Variants in SP100 observed in about 807,000 individuals in gnomAD.
The protein encoded by SP100 is nuclear autoantigen Sp-100.
Under a neutral mutation model 130.0 loss-of-function variants are expected in SP100, and 84 were observed. That is an observed-to-expected ratio of 0.65 (90% CI 0.54 to 0.77). SP100 has a LOEUF of 0.77. Among genes scored for constraint, SP100 ranks in the 30% least tolerant of loss-of-function variants. The pLI is 0.00. For synonymous variants in SP100, 331 were observed against 351.7 expected (o/e 0.94, Z 0.66); for missense variants, 978 against 1,052.2 (o/e 0.93, Z 0.97).
intron 9 of SP100, among the ~76,000 whole-genome samples, chr2:230,461,620 A>T (rs1460354996): frequency 6.6e-6 from 1 of 152,036 alleles, no homozygotes; most frequent in Non-Finnish European, 1.5e-5. Flanking sequence ...ACAGAAATGG[A>T]GGTAATCAGT....
chr2:230,416,248 GGGCTCAGAGGCCA>G lies in SP100; in HGVS notation c.-43_-31del, dbSNP rs760503746. The G allele has an allele frequency of 6.4e-7, 1 of 1,564,674 alleles. No homozygotes were observed. The highest frequency in any genetic ancestry group is 8.8e-7 in the Non-Finnish European group (1 of 1,139,362). ...CTGCACGCAGGCTGGGCCGACTGAG[GGGCTCAGAGGCCA>G]GGCTCTGAGGCCCACGCAGGGCCTA... On this transcript the variant is annotated 5_prime_UTR_variant, in exon 1 of 29. Coordinates refer to ENST00000340126, the MANE Select transcript of SP100 (RefSeq NM_001080391.2).
intron 24 of SP100, among the ~76,000 whole-genome samples, chr2:230,524,195 A>AG (rs201008486): frequency 0.14 from 19,486 of 143,300 alleles, 1,657 homozygotes; most frequent in Non-Finnish European, 0.2. Context: ...AAAAAAAAAA[A>AG]AAAAAAGAAA....
chr2:230,437,983 C>A (rs2063345473), intron 2 of SP100, among the ~76,000 whole-genome samples: 1 of 152,072 alleles, frequency 6.6e-6, no homozygotes. Flanking sequence ...TTTTTCAATG[C>A]CTGTAAAACA....
intron 17 of SP100, among the ~76,000 whole-genome samples, chr2:230,493,034 T>C (rs1431747298): frequency 6.6e-6 from 1 of 152,194 alleles, no homozygotes; most frequent in South Asian, 2.1e-4. Context: ...TATCTCAGTG[T>C]TGGCTGTTTT....
Position 230,462,429 on chromosome 2 carries a change from G to C in SP100, c.974-6G>C, listed in dbSNP as rs1384773532. ...GACTCTTAATGGTTTTTGCTCCTTTGTGCAGTCATCAGCAGTGAGGACTCT... is the reference window on the plus strand; with the variant it reads ...GACTCTTAATGGTTTTTGCTCCTTTCTGCAGTCATCAGCAGTGAGGACTCT... On this transcript the variant is annotated splice_region_variant and splice_polypyrimidine_tract_variant and intron_variant, in intron 9 of 28. Transcript: ENST00000340126. 1 of 1,611,480 alleles carries C rather than the reference G, an allele frequency of 6.2e-7. No individual in the cohort carries two copies. Among genetic ancestry groups the C allele is most frequent in the Non-Finnish European group, 8.5e-7 (1 of 1,178,032 alleles).
intron 17 of SP100, among the ~76,000 whole-genome samples, chr2:230,481,409 T>C (rs776773468): frequency 2.0e-5 from 3 of 152,154 alleles, no homozygotes; most frequent in Non-Finnish European, 4.4e-5. Flanking sequence ...GAGCCAAAAA[T>C]GTAGAAGGTG....
chr2:230,501,533 C>T (rs1410922504), intron 19 of SP100, among the ~76,000 whole-genome samples: 3 of 151,990 alleles, frequency 2.0e-5, no homozygotes, highest in African/African-American at 7.3e-5. Flanking sequence ...TGACAGAGGC[C>T]CAGAAAATAC....
At chr2:230,416,675 A>G (rs562380184) in intron 1 of SP100, 47 of 950,430 alleles carry the variant, frequency 4.9e-5, no homozygotes, top group Non-Finnish European at 6.0e-5. Flanking sequence ...GCCTTCCTCT[A>G]CCTTCAAATA....
At position 230,473,447 on chromosome 2, in the gene SP100, C is replaced by T. The variant is rs752839275; in HGVS notation, c.1546+7C>T. 1.9e-6 allele frequency: 3 copies of T among 1,558,184 alleles called. No homozygotes were observed. The East Asian group carries it at 6.7e-5, about 35-fold the overall frequency. On this transcript the variant is annotated splice_region_variant and intron_variant, in intron 16 of 28. Coordinates refer to ENST00000340126, the MANE Select transcript of SP100 (RefSeq NM_001080391.2). ...CAAGCATCTGACATGATGGGTAAGGCTACCCTAGGGTCTTGGGATGGAAGT... is the reference window on the plus strand; with the variant it reads ...CAAGCATCTGACATGATGGGTAAGGTTACCCTAGGGTCTTGGGATGGAAGT...
At chr2:230,481,054 G>T (rs1454240503) in intron 17 of SP100, among the ~76,000 whole-genome samples, 4 of 151,788 alleles carry the variant, frequency 2.6e-5, no homozygotes, top group Admixed American at 6.6e-5. Context: ...GGTGGTGGTG[G>T]TGGTGTTGGT....
At chr2:230,476,818 A>C (rs749476608) in intron 17 of SP100, among the ~76,000 whole-genome samples, 2 of 152,066 alleles carry the variant, frequency 1.3e-5, no homozygotes, top group Non-Finnish European at 2.9e-5. Context: ...TTTCTTCTTC[A>C]TAAAACTCTT....
intron 17 of SP100, among the ~76,000 whole-genome samples, chr2:230,487,659 G>A (rs2066176970): frequency 1.3e-5 from 2 of 152,210 alleles, no homozygotes; most frequent in South Asian, 4.1e-4. Flanking sequence ...ACTGTATGGG[G>A]TCTTCTTTGA....
At chr2:230,423,776 T>C (rs1278817800) in intron 2 of SP100, among the ~76,000 whole-genome samples, 1 of 152,224 alleles carries the variant, frequency 6.6e-6, no homozygotes, top group African/African-American at 2.4e-5. Flanking sequence ...TAAGAAGTGT[T>C]TGGGAGTAGC....
chr2:230,514,548 A>G (rs181902058), intron 24 of SP100, among the ~76,000 whole-genome samples: 2 of 152,328 alleles, frequency 1.3e-5, no homozygotes, highest in East Asian at 3.9e-4. Context: ...TTCTTCTGAA[A>G]GATAATTTTT....
rs2065429658 is a variant in SP100, at chr2:230,474,402, GA to G, written c.1556del (p.Asp519ValfsTer25). 3.3e-6 allele frequency: 5 copies of G among 1,530,628 alleles called. No homozygotes were observed. Among genetic ancestry groups the G allele is most frequent in the Non-Finnish European group, 4.5e-6 (5 of 1,111,674 alleles). 94.8% of individuals were successfully genotyped at this position (1,530,628 alleles called of 1,614,324 possible). On this transcript the variant is annotated frameshift_variant, in exon 17 of 29. Transcript: ENST00000340126. LOFTEE classifies it high-confidence loss of function. The stretch of plus-strand genomic sequence containing the variant: ...TACCTGTCACTTTCTAGATACCATG[GA>G]TGTTGAAAACAATTCTACTTTGGAA... ...SQASDMMDTM[D>X]VENNSTLEKH...
chr2:230,471,747 A>G (rs896559150), intron 15 of SP100, among the ~76,000 whole-genome samples: 4 of 152,142 alleles, frequency 2.6e-5, no homozygotes, highest in African/African-American at 9.7e-5. Flanking sequence ...GGGAGGAGAC[A>G]CTGAGTGGAT....
intron 28 of SP100, among the ~76,000 whole-genome samples, 167 bp from the exon 29 acceptor site, chr2:230,542,669 C>A (rs903851907): frequency 2.6e-5 from 4 of 152,120 alleles, no homozygotes; most frequent in African/African-American, 9.7e-5. Flanking sequence ...ACTTGTCTTC[C>A]AGATAAAGAT....
chr2:230,440,031 G>A (rs767946690), intron 2 of SP100, among the ~76,000 whole-genome samples: 6 of 152,088 alleles, frequency 3.9e-5, no homozygotes, highest in South Asian at 4.1e-4. Context: ...AAAGAAAGAC[G>A]CAGGAATATG....
At chr2:230,485,668 T>A (rs1167307358) in intron 17 of SP100, among the ~76,000 whole-genome samples, 1 of 152,216 alleles carries the variant, frequency 6.6e-6, no homozygotes, top group Non-Finnish European at 1.5e-5. Context: ...TGAATATATC[T>A]TTGCCTATAT....
Sources: gnomAD v4.1 joint callset for allele counts (sites outside exome capture counted in the v4.1 genomes callset) on GRCh38, gnomAD v4.1.1 for gene constraint, MANE v1.5 for transcripts, NCBI Gene and HGNC (gene_info 2026-07-23, HGNC 2026-07-21) for gene names.